SLC36A1: variants seen among roughly 807,000 people sequenced by gnomAD.
The protein encoded by SLC36A1 is solute carrier family 36 member 1.
In SLC36A1, 30 loss-of-function variants were observed where a neutral mutation model predicts 47.5. The observed-to-expected ratio is 0.63, with a 90% CI of 0.47 to 0.86. The LOEUF (loss-of-function observed/expected upper bound fraction) is 0.86. Among genes scored for constraint, SLC36A1 ranks in the 40% least tolerant of loss-of-function variants. SLC36A1 has a pLI of 0.00. For synonymous variants in SLC36A1, 255 were observed against 249.7 expected (o/e 1.02, Z -0.20); for missense variants, 517 against 606.0 (o/e 0.85, Z 1.54).
chr5:151,382,902 C>G, the SLC36A1 span, among the ~76,000 whole-genome samples: 1 of 152,130 alleles, frequency 6.6e-6, no homozygotes, highest in Admixed American at 6.5e-5. Context: ...GACCCCAAGG[C>G]CAGAGGAGAC....
chr5:151,541,686 A>G, the SLC36A1 span, among the ~76,000 whole-genome samples: 6 of 152,274 alleles, frequency 3.9e-5, no homozygotes, highest in African/African-American at 1.2e-4. Flanking sequence ...TACAGTAGGT[A>G]TCCACTAATG....
At chr5:151,553,071 G>A in the SLC36A1 span, 1 of 1,165,688 alleles carries the variant, frequency 8.6e-7, no homozygotes, top group Admixed American at 1.9e-5. Flanking sequence ...GGGCTGCCGA[G>A]GAGCCCGACC....
intron 10 of SLC36A1, chr5:151,480,179 G>A: frequency 2.4e-6 from 2 of 843,094 alleles, no homozygotes; most frequent in Non-Finnish European, 3.4e-6. Context: ...GAACCCCTGA[G>A]CAAATCGGTT....
At chr5:151,550,756 T>C in the SLC36A1 span, 2 of 1,614,146 alleles carry the variant, frequency 1.2e-6, no homozygotes, top group Non-Finnish European at 1.7e-6. Flanking sequence ...ATCTATGGCC[T>C]GGACTCGCAG....
the SLC36A1 span, chr5:151,551,522 G>T: frequency 6.2e-7 from 1 of 1,614,174 alleles, no homozygotes; most frequent in South Asian, 1.1e-5. Context: ...GTTATAGTTC[G>T]ACCTTCTCCT....
chr5:151,473,228 T>A (rs1179955180), intron 7 of SLC36A1, among the ~76,000 whole-genome samples: 5 of 141,664 alleles, frequency 3.5e-5, no homozygotes, highest in Non-Finnish European at 6.3e-5. Context: ...ATAGATAGAA[T>A]ATATATTCTG....
intron 7 of SLC36A1, among the ~76,000 whole-genome samples, chr5:151,470,272 A>G (rs1447936598): frequency 1.3e-5 from 2 of 152,196 alleles, no homozygotes; most frequent in African/African-American, 4.8e-5. Context: ...CCACCCCCAT[A>G]GACAGACACA....
At chr5:151,478,233 A>G (rs1758341555) in intron 9 of SLC36A1, among the ~76,000 whole-genome samples, 1 of 152,176 alleles carries the variant, frequency 6.6e-6, no homozygotes, top group African/African-American at 2.4e-5. Flanking sequence ...GATTTCCGAC[A>G]AGGGAGGACA....
intron 1 of SLC36A1, among the ~76,000 whole-genome samples, chr5:151,452,664 T>C (rs1422966853): frequency 6.6e-6 from 1 of 151,704 alleles, no homozygotes; most frequent in Non-Finnish European, 1.5e-5. Flanking sequence ...AGGTCAAGAG[T>C]TTGAGACCAG....
downstream of SLC36A1, among the ~76,000 whole-genome samples, chr5:151,495,537 G>C (rs1760313623): frequency 6.6e-6 from 1 of 152,122 alleles, no homozygotes; most frequent in Admixed American, 6.6e-5. Flanking sequence ...TCATTTGTGT[G>C]TGTGTGTTTG....
At chr5:151,349,900 C>G in the SLC36A1 span, among the ~76,000 whole-genome samples, 1 of 152,152 alleles carries the variant, frequency 6.6e-6, no homozygotes, top group Non-Finnish European at 1.5e-5. Context: ...TCAGGTGATT[C>G]TGATACTAGC....
chr5:151,534,333 C>A, the SLC36A1 span: 1 of 1,219,864 alleles, frequency 8.2e-7, no homozygotes, highest in Non-Finnish European at 1.2e-6. Context: ...CCTAGAGAGA[C>A]ACAAAGGGGA....
At chr5:151,479,572 G>T in intron 10 of SLC36A1, 83 bp downstream of exon 10, 2 of 1,498,166 alleles carry the variant, frequency 1.3e-6, no homozygotes, top group Non-Finnish European at 9.1e-7. Flanking sequence ...AAGACAATGT[G>T]TGTTGTAGTG....
chr5:151,420,878 C>CTTTTT, the SLC36A1 span, among the ~76,000 whole-genome samples: 1 of 143,964 alleles, frequency 6.9e-6, no homozygotes, highest in Non-Finnish European at 1.5e-5. Context: ...CTCTTTCTTT[C>CTTTTT]TTTTTTTTTT....
chr5:151,455,254 A>G (rs981722516), intron 1 of SLC36A1, among the ~76,000 whole-genome samples: 1 of 152,110 alleles, frequency 6.6e-6, no homozygotes, highest in Non-Finnish European at 1.5e-5. Context: ...TCCTAATGCA[A>G]CCTAGAATTG....
the SLC36A1 span, among the ~76,000 whole-genome samples, chr5:151,362,191 A>G: frequency 6.6e-6 from 1 of 152,076 alleles, no homozygotes; most frequent in Admixed American, 6.6e-5. Flanking sequence ...CTTGAACACC[A>G]TTACTTCTTA....
the SLC36A1 span, chr5:151,420,108 G>A: frequency 6.6e-6 from 1 of 152,212 alleles, no homozygotes; most frequent in Non-Finnish European, 1.5e-5. Context: ...TGGCAGAAGT[G>A]GTAGGTGCCA....
intron 9 of SLC36A1, among the ~76,000 whole-genome samples, chr5:151,477,169 G>A (rs1194103432): frequency 6.6e-6 from 1 of 152,172 alleles, no homozygotes; most frequent in African/African-American, 2.4e-5. Context: ...TGTGAGCCGG[G>A]GATTGTTGGG....
rs183131678 is a variant in SLC36A1, at chr5:151,479,466, G to A, written c.1136G>A (p.Arg379His). 150 of 1,614,176 alleles carry A rather than the reference G, an allele frequency of 9.3e-5. No homozygotes were observed. The African/African-American group carries it at 1.1e-3, about 11-fold the overall frequency. The change falls in exon 10 of 11, where the codon CGC becomes CAC. Residue 379 changes from arginine to histidine, a missense_variant. Coordinates refer to ENST00000243389, the MANE Select transcript of SLC36A1 (RefSeq NM_078483.4). ...GAGTTAGTGGTGGACCTGTTTGTGC[G>A]CACAGTGCTGGTCTGCCTGACATGT... Reference protein sequence around the residue: ...HCELVVDLFVRTVLVCLTCIL... With the variant: ...HCELVVDLFVHTVLVCLTCIL...
Sources: gnomAD v4.1 joint callset for allele counts (sites outside exome capture counted in the v4.1 genomes callset) on GRCh38, gnomAD v4.1.1 for gene constraint, MANE v1.5 for transcripts, NCBI Gene and HGNC (gene_info 2026-07-23, HGNC 2026-07-21) for gene names.